ERVW-1: variants seen among roughly 807,000 people sequenced by gnomAD.
ERVW-1 encodes syncytin-1.
In ERVW-1, 21 loss-of-function variants were observed where a neutral mutation model predicts 16.6. The observed-to-expected ratio is 1.26, with a 90% CI of 0.90 to 1.82. The LOEUF is 1.82. Ranked by LOEUF, ERVW-1 falls within the 40% of genes most tolerant of loss-of-function variation. The pLI, the probability that ERVW-1 is intolerant of heterozygous loss-of-function variation, is 0.00. For missense variants in ERVW-1, 412 were observed against 300.2 expected, an observed-to-expected ratio of 1.37 and a Z score of -2.75; for synonymous variants, 161 against 109.8, an observed-to-expected ratio of 1.47 and a Z score of -2.92.
chr7:92,468,697 C>T lies in ERVW-1; in HGVS notation c.*68G>A. On this transcript the variant is annotated 3_prime_UTR_variant, in exon 2 of 2. Coordinates refer to ENST00000603053, the MANE Select transcript of ERVW-1 (RefSeq NM_001130925.2). ...GTCAGCCTAGGAAATCCAGCTAGTCCTGTCTCTCAGTCCCCCATCTCAACA... is the reference window on the plus strand; with the variant it reads ...GTCAGCCTAGGAAATCCAGCTAGTCTTGTCTCTCAGTCCCCCATCTCAACA... 1 of 658,922 alleles carries T rather than the reference C, an allele frequency of 1.5e-6. No individual in the cohort carries two copies. Among genetic ancestry groups the T allele is most frequent in the Non-Finnish European group, 2.7e-6 (1 of 368,322 alleles). 40.8% of individuals were successfully genotyped at this position (658,922 alleles called of 1,614,324 possible). A position where few individuals can be genotyped will look rare whatever the true frequency, so the allele number is the denominator to read the frequency against.
rs1790212618 is a variant in ERVW-1 at position 92,469,151 on chromosome 7, A to G, written c.1231T>C (p.Ser411Pro). The G allele has an allele frequency of 4.3e-6, 3 of 705,258 alleles. No individual in the cohort carries two copies. The highest frequency in any genetic ancestry group is 7.8e-6 in the Non-Finnish European group (3 of 386,926). The allele number at this position is 705,258 out of a possible 1,614,324, so 43.7% of individuals were successfully genotyped here. A position where few individuals can be genotyped will look rare whatever the true frequency, so the allele number is the denominator to read the frequency against. ...TTAACTTTCTCAGTGACGATTCCGG[A>G]TTGATTAACATAATAACAGCATTCT... The part of the protein sequence containing the change: ...GEECCYYVNQ[S>P]GIVTEKVKEI... Residue 411 changes from serine (S) to proline (P), a missense_variant, in exon 2 of 2, where the codon TCC (serine) becomes CCC (proline). Coordinates refer to ENST00000603053, the MANE Select transcript of ERVW-1 (RefSeq NM_001130925.2).
intron 1 of ERVW-1, chr7:92,471,214 G>A (rs977229258): frequency 4.8e-5 from 8 of 167,072 alleles, no homozygotes; most frequent in African/African-American, 1.9e-4. Flanking sequence ...AATCCCTGAG[G>A]TTTGGGCTTG....
In ERVW-1 at chr7:92,469,474, T is replaced by C; in HGVS notation, c.908A>G (p.Gln303Arg). The stretch of plus-strand genomic sequence containing the variant: ...AGATATGACATAACTGTATAAATCT[T>C]GTTCAGTGTAGATGGTCATAGGGGG... ...LVPPMTIYTE[Q>R]DLYSYVISKP... The change falls in exon 2 of 2, where the codon CAA (glutamine) becomes CGA (arginine). Residue 303 changes from glutamine (Q) to arginine (R), a missense_variant. Transcript: ENST00000603053. 1 of 767,812 alleles carries C rather than the reference T, an allele frequency of 1.3e-6. No individual in the cohort carries two copies. The highest frequency in any genetic ancestry group is 2.4e-6 in the Non-Finnish European group (1 of 414,076). 47.6% of individuals were successfully genotyped at this position (767,812 alleles called of 1,614,324 possible). A position where few individuals can be genotyped will look rare whatever the true frequency, so the allele number is the denominator to read the frequency against.
Position 92,470,169 on chromosome 7 carries a change from G to A in ERVW-1, c.213C>T (p.Asn71=). 1.3e-6 allele frequency: 1 copy of A among 778,822 alleles called. No individual in the cohort carries two copies. The highest frequency in any genetic ancestry group is 1.7e-5 in the African/African-American group (1 of 59,160). 48.2% of individuals were successfully genotyped at this position (778,822 alleles called of 1,614,324 possible). A position where few individuals can be genotyped will look rare whatever the true frequency, so the allele number is the denominator to read the frequency against. The part of the protein sequence containing the change: ...TFTAHTHMPR[N]CYHSATLCMH... ...TGCAAAGAGTGGCAGAGTGATAGCA[G>A]TTGCGGGGCATATGGGTGTGGGCAG... Residue 71 remains asparagine, a synonymous_variant, in exon 2 of 2, where the codon AAC becomes AAT. Transcript: ENST00000603053.
chr7:92,473,990 A>G (rs908808486), intron 1 of ERVW-1, among the ~76,000 whole-genome samples: 1 of 152,062 alleles, frequency 6.6e-6, no homozygotes, highest in African/African-American at 2.4e-5. Flanking sequence ...GGCATGGACG[A>G]GGGGGCGGCT....
intron 1 of ERVW-1, chr7:92,471,255 G>T: frequency 6.0e-6 from 1 of 166,932 alleles, no homozygotes. Context: ...TCTTCTCCAG[G>T]GTAATGGCCT....
intron 1 of ERVW-1, among the ~76,000 whole-genome samples, chr7:92,477,108 C>T (rs969444941): frequency 1.3e-5 from 2 of 152,172 alleles, no homozygotes; most frequent in Non-Finnish European, 2.9e-5. Flanking sequence ...CGGCTACTGC[C>T]GGGAGTTCAG....
intron 1 of ERVW-1, among the ~76,000 whole-genome samples, chr7:92,476,225 G>C (rs1790537843): frequency 6.6e-6 from 1 of 152,214 alleles, no homozygotes; most frequent in Non-Finnish European, 1.5e-5. Flanking sequence ...TAAGATTTTT[G>C]AGTTAGTAAG....
rs1790303767 is a variant in ERVW-1 at position 92,470,480 on chromosome 7, G to T, written c.-99C>A. Reference sequence around the variant, plus strand: ...CAGGAATAGCTAGCGTTGTCTCCTGGATTTTCAGGTTCCTTTGGCAGTATC... The same window carrying T: ...CAGGAATAGCTAGCGTTGTCTCCTGTATTTTCAGGTTCCTTTGGCAGTATC... On this transcript the variant is annotated 5_prime_UTR_variant, in exon 2 of 2. Coordinates refer to ENST00000603053, the MANE Select transcript of ERVW-1 (RefSeq NM_001130925.2). 6 of 599,676 alleles carry T rather than the reference G, an allele frequency of 1.0e-5. No individual in the cohort carries two copies. The South Asian group carries it at 1.3e-4, about 13-fold the overall frequency. The allele number at this position is 599,676 out of a possible 1,614,324, so 37.1% of individuals were successfully genotyped here.
Position 92,469,823 on chromosome 7 carries a change from A to G in ERVW-1, c.559T>C (p.Trp187Arg). 1.3e-6 allele frequency: 1 copy of G among 770,386 alleles called. No individual in the cohort carries two copies. Among genetic ancestry groups the G allele is most frequent in the East Asian group, 2.4e-5 (1 of 41,250 alleles). The allele number at this position is 770,386 out of a possible 1,614,324, so 47.7% of individuals were successfully genotyped here. ...EVSAQNPTNC[W>R]ICLPLNFRPY... Reference sequence around the variant, plus strand: ...CTGAAGTTCAGGGGGAGGCATATCCAACAGTTAGTAGGGTTTTGGGCCGAG... The same window carrying G: ...CTGAAGTTCAGGGGGAGGCATATCCGACAGTTAGTAGGGTTTTGGGCCGAG... Residue 187 changes from tryptophan (W) to arginine (R), a missense_variant, in exon 2 of 2, where the codon TGG becomes CGG. Trp to Arg is a moderately radical substitution (Grantham distance 101). Coordinates refer to ENST00000603053, the MANE Select transcript of ERVW-1 (RefSeq NM_001130925.2).
intron 1 of ERVW-1, chr7:92,471,064 T>C (rs1790329169): frequency 6.0e-6 from 1 of 167,054 alleles, no homozygotes; most frequent in Non-Finnish European, 1.5e-5. Context: ...CTATTGTCAC[T>C]CTGTAAGCCT....
chr7:92,477,006 TGGTTGG>T (rs1281885028), intron 1 of ERVW-1, among the ~76,000 whole-genome samples: 2 of 152,108 alleles, frequency 1.3e-5, no homozygotes, highest in African/African-American at 4.8e-5. Context: ...AAGAAAGTTG[TGGTTGG>T]GACCCAGGAG....
intron 1 of ERVW-1, among the ~76,000 whole-genome samples, chr7:92,473,716 C>A (rs1790434936): frequency 6.6e-6 from 1 of 151,776 alleles, no homozygotes; most frequent in Non-Finnish European, 1.5e-5. Context: ...CGTCTTAGGA[C>A]CCCCTCAGAT....
In ERVW-1 at chr7:92,477,782, G is replaced by T. The variant is rs191798317; in HGVS notation, c.-628C>A. 124 of 181,996 alleles carry T rather than the reference G, an allele frequency of 6.8e-4. No homozygotes were observed. The highest frequency in any genetic ancestry group is 1.1e-3 in the Non-Finnish European group (103 of 91,302). The allele number at this position is 181,996 out of a possible 1,614,324, so 11.3% of individuals were successfully genotyped here. A position where few individuals can be genotyped will look rare whatever the true frequency, so the allele number is the denominator to read the frequency against. On this transcript the variant is annotated 5_prime_UTR_variant, in exon 1 of 2. Coordinates refer to ENST00000603053, the MANE Select transcript of ERVW-1 (RefSeq NM_001130925.2). ...AGGATCCAGAGGGATGGGAGTCAGC[G>T]GCAGGTCTGCGGTGGTGGCAAACAG...
At chr7:92,471,578 G>C (rs1790354449) in intron 1 of ERVW-1, 1 of 152,212 alleles carries the variant, frequency 6.6e-6, no homozygotes, top group South Asian at 2.1e-4. Context: ...TGGTTTCCCG[G>C]AGGGGATTAC....
At chr7:92,472,292 G>T (rs2086970392) in intron 1 of ERVW-1, 1 of 152,174 alleles carries the variant, frequency 6.6e-6, no homozygotes, top group African/African-American at 2.4e-5. Flanking sequence ...CAGTGAGTAT[G>T]CCATTCACAT....
At chr7:92,472,173 G>A (rs561721751) in intron 1 of ERVW-1, 6 of 152,358 alleles carry the variant, frequency 3.9e-5, no homozygotes, top group Admixed American at 6.5e-5. Context: ...TGGAAGAAAT[G>A]TGGCTGGGTT....
At chr7:92,471,387 T>G (rs1038020721) in intron 1 of ERVW-1, 11 of 152,796 alleles carry the variant, frequency 7.2e-5, no homozygotes, top group Non-Finnish European at 1.3e-4. Flanking sequence ...AATAATGATT[T>G]GGCCATCTGA....
At chr7:92,474,254 C>G (rs370612157) in intron 1 of ERVW-1, among the ~76,000 whole-genome samples, 1 of 152,028 alleles carries the variant, frequency 6.6e-6, no homozygotes, top group Non-Finnish European at 1.5e-5. Context: ...TCCGGGCCTA[C>G]GGCAGACTTT....
Sources: allele counts gnomAD v4.1 joint callset (sites outside exome capture counted in the v4.1 genomes callset), GRCh38; gene constraint gnomAD v4.1.1; transcripts MANE v1.5; gene names NCBI Gene and HGNC (gene_info 2026-07-23, HGNC 2026-07-21).